TENM2: variants seen among roughly 807,000 people sequenced by gnomAD.
TENM2 encodes teneurin transmembrane protein 2.
TENM2 carries 52 observed loss-of-function variants against 245.2 expected under a neutral mutation model. That is an observed-to-expected ratio of 0.21 (90% CI 0.17 to 0.27). The LOEUF is 0.27. Ranked by LOEUF, TENM2 falls within the 10% of genes least tolerant of loss-of-function variation. The pLI, the probability that TENM2 is intolerant of heterozygous loss-of-function variation, is 1.00. For missense variants in TENM2, 3,046 were observed against 3,666.8 expected (o/e 0.83, Z 4.37); for synonymous variants, 1,363 against 1,438.9 (o/e 0.95, Z 1.19).
chr5:168,186,758 C>T (rs1760477327), intron 13 of TENM2: 1 of 152,268 alleles, frequency 6.6e-6, no homozygotes, highest in Non-Finnish European at 1.5e-5. Flanking sequence ...TGAATGGAGA[C>T]ATCGGCCACC....
At chr5:167,895,509 G>T (rs764026396) in intron 3 of TENM2, among the ~76,000 whole-genome samples, 4 of 152,210 alleles carry the variant, frequency 2.6e-5, no homozygotes, top group Non-Finnish European at 5.9e-5. Context: ...AACCATTGCT[G>T]CTTGATTCCA....
At chr5:168,234,098 C>T (rs1053521855) in intron 25 of TENM2, among the ~76,000 whole-genome samples, 3 of 151,964 alleles carry the variant, frequency 2.0e-5, no homozygotes, top group South Asian at 2.1e-4. Flanking sequence ...GTTTCTCTCT[C>T]GGCAGTTGAC....
intron 2 of TENM2, among the ~76,000 whole-genome samples, chr5:167,875,284 C>T (rs1485432175): frequency 2.6e-5 from 4 of 151,902 alleles, no homozygotes; most frequent in Non-Finnish European, 5.9e-5. Flanking sequence ...GGGGTGGTGT[C>T]CTGCATGGAG....
the TENM2 span, among the ~76,000 whole-genome samples, chr5:167,244,011 C>G: frequency 2.7e-3 from 416 of 152,254 alleles, 13 homozygotes; most frequent in East Asian, 0.059. Context: ...GCCCCATGCC[C>G]TTGCCTGGGA....
the TENM2 span, among the ~76,000 whole-genome samples, chr5:167,011,756 TGAACTC>T: frequency 6.6e-6 from 1 of 152,240 alleles, no homozygotes. Context: ...ATTTCTTTGA[TGAACTC>T]ATTTGGCAGG....
At chr5:167,544,997 T>C (rs1772461531) in intron 2 of TENM2, among the ~76,000 whole-genome samples, 1 of 152,200 alleles carries the variant, frequency 6.6e-6, no homozygotes, top group African/African-American at 2.4e-5. Flanking sequence ...ATGGCATGGT[T>C]ACTGCTCAGT....
At chr5:168,204,330 C>T (rs773309470) in intron 18 of TENM2, 42 bp from the exon 21 acceptor site, 21 of 1,593,378 alleles carry the variant, frequency 1.3e-5, no homozygotes, top group Non-Finnish European at 1.8e-5. Flanking sequence ...ATGTCTTCCC[C>T]AGAGGGCTTC....
chr5:167,486,965 G>A (rs1189272459), intron 2 of TENM2, among the ~76,000 whole-genome samples: 1 of 152,104 alleles, frequency 6.6e-6, no homozygotes, highest in Non-Finnish European at 1.5e-5. Context: ...TAAAAGTACA[G>A]CAAAAATGTA....
intron 2 of TENM2, among the ~76,000 whole-genome samples, chr5:167,633,161 T>G (rs1287981740): frequency 6.6e-6 from 1 of 152,172 alleles, no homozygotes; most frequent in African/African-American, 2.4e-5. Flanking sequence ...GAGTTAAATA[T>G]TTGAGATCCA....
At chr5:167,387,757 C>A (rs1465811883) in intron 2 of TENM2, among the ~76,000 whole-genome samples, 1 of 152,070 alleles carries the variant, frequency 6.6e-6, no homozygotes, top group Admixed American at 6.6e-5. Flanking sequence ...AATGTTTTTT[C>A]TGCATCTGTT....
At chr5:167,620,994 T>C (rs1014865222) in intron 2 of TENM2, among the ~76,000 whole-genome samples, 1 of 152,182 alleles carries the variant, frequency 6.6e-6, no homozygotes, top group Non-Finnish European at 1.5e-5. Context: ...TTTACATCCA[T>C]TTTCTTGCAG....
At chr5:167,752,038 A>T (rs968141878) in intron 2 of TENM2, among the ~76,000 whole-genome samples, 1 of 152,048 alleles carries the variant, frequency 6.6e-6, no homozygotes, top group Non-Finnish European at 1.5e-5. Flanking sequence ...GAAATTCAGA[A>T]TGAATTGCTT....
intron 4 of TENM2, among the ~76,000 whole-genome samples, chr5:167,979,356 G>C (rs1323923784): frequency 6.6e-6 from 1 of 152,158 alleles, no homozygotes; most frequent in Non-Finnish European, 1.5e-5. Flanking sequence ...TGTTTGCAGA[G>C]ATACCAAACC....
the TENM2 span, among the ~76,000 whole-genome samples, chr5:167,187,996 A>G: frequency 6.6e-6 from 1 of 152,134 alleles, no homozygotes; most frequent in Non-Finnish European, 1.5e-5. Flanking sequence ...TGTTATGGAA[A>G]CCAGGTGTTA....
chr5:167,998,567 T>G (rs1784218109), intron 5 of TENM2, among the ~76,000 whole-genome samples: 1 of 152,166 alleles, frequency 6.6e-6, no homozygotes, highest in African/African-American at 2.4e-5. Context: ...TACACTGAGC[T>G]TCTGCCAAAG....
chr5:167,361,791 A>G (rs554986361), intron 1 of TENM2, among the ~76,000 whole-genome samples: 1 of 152,342 alleles, frequency 6.6e-6, no homozygotes, highest in South Asian at 2.1e-4. Flanking sequence ...ATGTGAATAC[A>G]TCCATTAAGT....
chr5:167,556,410 A>G (rs1486448939), intron 2 of TENM2, among the ~76,000 whole-genome samples: 1 of 97,268 alleles, frequency 1.0e-5, no homozygotes, highest in African/African-American at 3.9e-5. Context: ...ATATATATGT[A>G]TGTATACTTA....
At chr5:167,235,490 A>T in the TENM2 span, among the ~76,000 whole-genome samples, 1 of 152,160 alleles carries the variant, frequency 6.6e-6, no homozygotes, top group Non-Finnish European at 1.5e-5. Context: ...AGAAAAAAAA[A>T]ATTTTTACTC....
At chr5:167,631,843 C>G (rs1167308175) in intron 2 of TENM2, among the ~76,000 whole-genome samples, 1 of 152,072 alleles carries the variant, frequency 6.6e-6, no homozygotes, top group Non-Finnish European at 1.5e-5. Context: ...AATACTTTAC[C>G]CTTTTTAATC....
Sources: allele counts gnomAD v4.1 joint callset (sites outside exome capture counted in the v4.1 genomes callset), GRCh38; gene constraint gnomAD v4.1.1; transcripts MANE v1.5; gene names NCBI Gene and HGNC (gene_info 2026-07-23, HGNC 2026-07-21).